The following CTNNA1 variants were observed in gnomAD, a reference collection of about 807,000 sequenced individuals.
The protein encoded by CTNNA1 is catenin alpha-1.
CTNNA1 carries 37 observed loss-of-function variants against 98.4 expected under a neutral mutation model. That is an observed-to-expected ratio of 0.38 (90% CI 0.29 to 0.49). CTNNA1 has a LOEUF of 0.49. CTNNA1 is among the 20% of genes least tolerant of loss of function. CTNNA1 has a pLI of 0.95. For missense variants in CTNNA1, 761 were observed against 1,147.2 expected, an observed-to-expected ratio of 0.66 and a Z score of 4.86; for synonymous variants, 404 against 413.2, an observed-to-expected ratio of 0.98 and a Z score of 0.27.
chr5:138,784,414 C>G (rs2149659962), intron 3 of CTNNA1, among the ~76,000 whole-genome samples: 1 of 152,302 alleles, frequency 6.6e-6, no homozygotes, highest in South Asian at 2.1e-4. Context: ...ATCCCTGTGG[C>G]AGTACCCATA....
At chr5:138,886,451 A>G (rs1754041995) in intron 8 of CTNNA1, among the ~76,000 whole-genome samples, 159 bp downstream of exon 8, 1 of 152,188 alleles carries the variant, frequency 6.6e-6, no homozygotes, top group African/African-American at 2.4e-5. Context: ...TATGCTTCTT[A>G]ATGGCTAATC....
intron 7 of CTNNA1, among the ~76,000 whole-genome samples, chr5:138,858,750 C>T (rs1392478313): frequency 3.3e-5 from 5 of 152,042 alleles, no homozygotes; most frequent in Non-Finnish European, 7.4e-5. Flanking sequence ...CACCTGCCAC[C>T]ACGCCCAGCT....
intron 7 of CTNNA1, chr5:138,881,200 A>G: frequency 2.2e-6 from 1 of 447,262 alleles, no homozygotes; most frequent in Non-Finnish European, 4.5e-6. Context: ...GTATGTCTGC[A>G]GTGTCTGTTC....
At chr5:138,761,119 C>G (rs1287212928) in intron 1 of CTNNA1, among the ~76,000 whole-genome samples, 2 of 152,164 alleles carry the variant, frequency 1.3e-5, no homozygotes, top group East Asian at 3.8e-4. Flanking sequence ...AGCAGGTGTT[C>G]TAAGTAAATA....
At chr5:138,806,242 TTC>T (rs1191511633) in intron 3 of CTNNA1, among the ~76,000 whole-genome samples, 1 of 152,202 alleles carries the variant, frequency 6.6e-6, no homozygotes, top group East Asian at 1.9e-4. Context: ...TTGACCAGTT[TTC>T]TCTTACAAGT....
chr5:138,785,504 CAT>C (rs1290858786), intron 3 of CTNNA1, among the ~76,000 whole-genome samples: 1 of 96,758 alleles, frequency 1.0e-5, no homozygotes, highest in Non-Finnish European at 2.0e-5. Flanking sequence ...AACTCACAAT[CAT>C]ATTAACAGAT....
At chr5:138,839,070 T>C (rs13162420) in intron 7 of CTNNA1, among the ~76,000 whole-genome samples, 30,021 of 152,240 alleles carry the variant, frequency 0.2, 3,815 homozygotes, top group Non-Finnish European at 0.28. Context: ...GTTACTGATT[T>C]CTAGTTTAAT....
intron 7 of CTNNA1, among the ~76,000 whole-genome samples, chr5:138,857,813 C>T (rs918071392): frequency 1.3e-5 from 2 of 152,184 alleles, no homozygotes; most frequent in Admixed American, 1.3e-4. Flanking sequence ...AACCACTGTG[C>T]AACACTGTAA....
intron 3 of CTNNA1, among the ~76,000 whole-genome samples, chr5:138,787,440 T>G (rs59717461): frequency 7.0e-4 from 106 of 152,064 alleles, no homozygotes; most frequent in African/African-American, 2.4e-3. Flanking sequence ...AGGTCTCTGT[T>G]GAAACTATTA....
intron 9 of CTNNA1, among the ~76,000 whole-genome samples, chr5:138,900,609 A>AT (rs767271639): frequency 2.0e-4 from 30 of 152,120 alleles, no homozygotes; most frequent in Non-Finnish European, 3.7e-4. Context: ...TCATAATGGG[A>AT]TTTTTTCCTA....
intron 7 of CTNNA1, among the ~76,000 whole-genome samples, chr5:138,861,077 TG>T (rs1046370956): frequency 6.6e-6 from 1 of 152,082 alleles, no homozygotes; most frequent in African/African-American, 2.4e-5. Flanking sequence ...TGAAGTGCAG[TG>T]GCATGATCTC....
chr5:138,830,427 C>G (rs771829583), intron 7 of CTNNA1, among the ~76,000 whole-genome samples: 2 of 152,148 alleles, frequency 1.3e-5, no homozygotes, highest in Non-Finnish European at 2.9e-5. Context: ...AGGAGATGGT[C>G]TCTGGGTATG....
chr5:138,925,572 CTG>C (rs367953773), intron 13 of CTNNA1, 165 bp downstream of exon 13: 5 of 1,105,816 alleles, frequency 4.5e-6, no homozygotes, highest in African/African-American at 1.6e-5. Flanking sequence ...TCTAAAATGA[CTG>C]TTAGTTGCAA....
intron 4 of CTNNA1, 33 bp from the exon 5 acceptor site, chr5:138,812,150 T>C (rs779824402): frequency 3.1e-6 from 5 of 1,596,150 alleles, no homozygotes; most frequent in Non-Finnish European, 4.3e-6. Context: ...ACATTCAGAA[T>C]TTTTGGGTTT....
chr5:138,897,029 G>A (rs1215305837), intron 9 of CTNNA1, among the ~76,000 whole-genome samples: 1 of 152,038 alleles, frequency 6.6e-6, no homozygotes, highest in Non-Finnish European at 1.5e-5. Context: ...TAGGGAAAAT[G>A]CCATTAATGA....
chr5:138,756,997 A>C lies in CTNNA1; in HGVS notation c.-3+3487A>C, dbSNP rs543320133. ...GAGGATCACTTGAAGCTAGGAGTTC[A>C]AGACCAGCCTGAGCAACTTTATGAG... On this transcript the variant is annotated intron_variant, in intron 1 of 17. Coordinates refer to ENST00000302763, the MANE Select transcript of CTNNA1 (RefSeq NM_001903.5). Among the ~76,000 whole-genome samples the C allele has an allele frequency of 9.2e-4, 140 of 152,000 alleles. 1 individual carries two copies. The highest frequency in any genetic ancestry group is 3.2e-3 in the African/African-American group (134 of 41,468).
intron 9 of CTNNA1, among the ~76,000 whole-genome samples, chr5:138,901,143 C>A (rs936133908): frequency 9.3e-5 from 14 of 151,276 alleles, no homozygotes; most frequent in African/African-American, 3.4e-4. Flanking sequence ...TCTTCCGCTC[C>A]CCTCCCCTCC....
At chr5:138,877,549 G>C (rs376107902) in intron 7 of CTNNA1, among the ~76,000 whole-genome samples, 1 of 151,236 alleles carries the variant, frequency 6.6e-6, no homozygotes, top group Non-Finnish European at 1.5e-5. Context: ...CCGGGTTCAC[G>C]CCATTCTCCT....
rs557173379 is a variant in CTNNA1 at position 138,847,305 on chromosome 5, C to T, written c.1062+19587C>T. Among the ~76,000 whole-genome samples, 132 of 152,008 alleles carry T rather than the reference C, an allele frequency of 8.7e-4. 1 individual carries two copies. The highest frequency in any genetic ancestry group is 3.1e-3 in the African/African-American group (129 of 41,456). ...CCTTTTTAAAGCCGGCGTAGTCCCTCCCTCCCTGTCTCCTTCCCTGTCTCC... is the reference window on the plus strand; with the variant it reads ...CCTTTTTAAAGCCGGCGTAGTCCCTTCCTCCCTGTCTCCTTCCCTGTCTCC... On this transcript the variant is annotated intron_variant, in intron 7 of 17. Coordinates refer to ENST00000302763, the MANE Select transcript of CTNNA1 (RefSeq NM_001903.5).
Sources: allele counts gnomAD v4.1 joint callset (sites outside exome capture counted in the v4.1 genomes callset), GRCh38; gene constraint gnomAD v4.1.1; transcripts MANE v1.5; gene names NCBI Gene and HGNC (gene_info 2026-07-23, HGNC 2026-07-21).